Variants in LRP1B observed in about 807,000 individuals in gnomAD.
The protein encoded by LRP1B is LDL receptor related protein 1B.
LRP1B carries 217 observed loss-of-function variants against 556.6 expected under a neutral mutation model. That is an observed-to-expected ratio of 0.39 (90% confidence interval 0.35 to 0.44). LRP1B has a LOEUF of 0.44. Ranked by LOEUF, LRP1B falls within the 20% of genes least tolerant of loss-of-function variation. LRP1B has a pLI of 1.00. For missense variants in LRP1B, 5,053 were observed against 5,620.8 expected (o/e 0.90, Z 3.23); for synonymous variants, 2,047 against 1,865.8 (o/e 1.10, Z -2.50).
At chr2:141,440,500 C>T (rs1417185548) in intron 3 of LRP1B, among the ~76,000 whole-genome samples, 3 of 152,222 alleles carry the variant, frequency 2.0e-5, no homozygotes, top group African/African-American at 7.2e-5. Flanking sequence ...GGTATCCGGG[C>T]AGGAAGAACA....
At chr2:142,128,312 G>A (rs888258018) in intron 1 of LRP1B, among the ~76,000 whole-genome samples, 26 of 152,124 alleles carry the variant, frequency 1.7e-4, no homozygotes, top group Admixed American at 1.6e-3. Context: ...ACCTAAATGT[G>A]AATTCTCATT....
chr2:140,888,960 CAAA>C (rs35546727), intron 23 of LRP1B, among the ~76,000 whole-genome samples: 24 of 78,032 alleles, frequency 3.1e-4, no homozygotes, highest in African/African-American at 8.5e-4. Flanking sequence ...GAGTCTGTCT[CAAA>C]AAAAAAAAAA....
At chr2:140,909,578 T>A (rs1235787984) in intron 21 of LRP1B, among the ~76,000 whole-genome samples, 1 of 151,320 alleles carries the variant, frequency 6.6e-6, no homozygotes, top group East Asian at 2.0e-4. Flanking sequence ...CATTATAAAC[T>A]TTTGCATTAA....
At chr2:141,426,468 T>A (rs1251295936) in intron 3 of LRP1B, among the ~76,000 whole-genome samples, 3 of 152,194 alleles carry the variant, frequency 2.0e-5, no homozygotes, top group Middle Eastern at 3.2e-3. Flanking sequence ...GTATATGAAA[T>A]AATCAAGTCC....
At chr2:141,005,555 G>T (rs978896389) in intron 14 of LRP1B, 98 bp from the exon 15 acceptor site, 4 of 988,206 alleles carry the variant, frequency 4.0e-6, no homozygotes, top group African/African-American at 1.7e-5. Context: ...TATATGCTAT[G>T]TATATTATAT....
chr2:141,617,600 G>A (rs553279512), intron 2 of LRP1B, among the ~76,000 whole-genome samples: 1 of 152,208 alleles, frequency 6.6e-6, no homozygotes, highest in South Asian at 2.1e-4. Flanking sequence ...ATTGTGGTAA[G>A]AGAATATGCA....
intron 15 of LRP1B, among the ~76,000 whole-genome samples, chr2:141,005,111 T>C (rs1185420078): frequency 6.6e-6 from 1 of 152,044 alleles, no homozygotes; most frequent in African/African-American, 2.4e-5. Flanking sequence ...ATTTTTTTAC[T>C]AAATCACCCA....
At chr2:141,209,861 A>C (rs1046376010) in intron 6 of LRP1B, among the ~76,000 whole-genome samples, 1 of 152,174 alleles carries the variant, frequency 6.6e-6, no homozygotes, top group East Asian at 1.9e-4. Flanking sequence ...AAGCAAGTAC[A>C]AGGGAACTGA....
At chr2:140,404,669 T>C (rs552275868) in intron 66 of LRP1B, among the ~76,000 whole-genome samples, 1 of 152,146 alleles carries the variant, frequency 6.6e-6, no homozygotes, top group African/African-American at 2.4e-5. Flanking sequence ...TAAACAAGTA[T>C]CTGTTGTCTT....
At chr2:141,077,028 C>T (rs1261750989) in intron 7 of LRP1B, among the ~76,000 whole-genome samples, 5 of 152,098 alleles carry the variant, frequency 3.3e-5, no homozygotes, top group East Asian at 3.9e-4. Flanking sequence ...GGGCAGATCA[C>T]GAGGCCAGGA....
At position 140,716,816 on chromosome 2, in the gene LRP1B, T is replaced by C; in HGVS notation, c.5759A>G (p.Glu1920Gly). ...SFAVGIDFHA[E>G]NDTIYWTDMG... ...GTCTGTCCAGTAGATGGTATCATTT[T>C]CTATGGATAAGACACAGAAAAAAAA... Residue 1920 changes from glutamate (E) to glycine (G), a missense_variant and splice_region_variant, in exon 36 of 91, where the codon GAA becomes GGA. Transcript: ENST00000389484. The C allele has an allele frequency of 1.3e-6, 2 of 1,576,100 alleles. No homozygotes were observed. The highest frequency in any genetic ancestry group is 1.4e-5 in the African/African-American group (1 of 71,484).
At chr2:141,593,820 G>A (rs1224060481) in intron 2 of LRP1B, among the ~76,000 whole-genome samples, 1 of 152,026 alleles carries the variant, frequency 6.6e-6, no homozygotes, top group Non-Finnish European at 1.5e-5. Context: ...GAGAGCAGCA[G>A]GAGGCAGCTA....
intron 33 of LRP1B, among the ~76,000 whole-genome samples, chr2:140,773,127 A>T (rs1008733731): frequency 1.3e-5 from 2 of 152,020 alleles, no homozygotes; most frequent in Admixed American, 1.3e-4. Flanking sequence ...AAAAACAAGA[A>T]GTAAAGAGAA....
intron 66 of LRP1B, among the ~76,000 whole-genome samples, chr2:140,392,964 C>T (rs1684088500): frequency 6.7e-6 from 1 of 150,206 alleles, no homozygotes; most frequent in African/African-American, 2.5e-5. Flanking sequence ...GTATTCTGCT[C>T]TGTCACCCAG....
chr2:141,868,137 C>T (rs549067138), intron 1 of LRP1B, among the ~76,000 whole-genome samples: 1 of 152,148 alleles, frequency 6.6e-6, no homozygotes. Context: ...TTTATATATC[C>T]CTTTTTGTTC....
chr2:141,047,479 A>C (rs1273873942), intron 11 of LRP1B, among the ~76,000 whole-genome samples: 1 of 152,116 alleles, frequency 6.6e-6, no homozygotes. Flanking sequence ...CATGCTGTAA[A>C]TAATTTTAGT....
intron 2 of LRP1B, among the ~76,000 whole-genome samples, chr2:141,677,619 A>T (rs1225687731): frequency 6.6e-6 from 1 of 152,036 alleles, no homozygotes; most frequent in Non-Finnish European, 1.5e-5. Context: ...CCTCCCTAGT[A>T]GCTGGGATTA....
In LRP1B at chr2:140,356,348, A is replaced by G; in HGVS notation, c.11524T>C (p.Cys3842Arg). The change falls in exon 75 of 91, where the codon TGT (cysteine) becomes CGT (arginine). Residue 3842 changes from cysteine to arginine, a missense_variant. Physicochemically the swap from Cys to Arg is radical, Grantham distance 180. Coordinates refer to ENST00000389484, the MANE Select transcript of LRP1B (RefSeq NM_018557.3). ...GFQRNMKNRQ[C>R]EDLNECLVFG... Reference sequence around the variant, plus strand: ...TTGAAGAAAAGTACTCTACCTTCACATTGTCTGTTTTTCATGTTTCTCTGA... The same window carrying G: ...TTGAAGAAAAGTACTCTACCTTCACGTTGTCTGTTTTTCATGTTTCTCTGA... 6.2e-7 allele frequency: 1 copy of G among 1,610,724 alleles called. No individual in the cohort carries two copies. Among genetic ancestry groups the G allele is most frequent in the East Asian group, 2.2e-5 (1 of 44,654 alleles).
chr2:141,623,978 G>T, intron 2 of LRP1B, among the ~76,000 whole-genome samples: 1 of 122,028 alleles, frequency 8.2e-6, no homozygotes, highest in Non-Finnish European at 1.6e-5. Flanking sequence ...TCGCACCACC[G>T]CACTCTAGTT....
Sources: gnomAD v4.1 joint callset for allele counts (sites outside exome capture counted in the v4.1 genomes callset) on GRCh38, gnomAD v4.1.1 for gene constraint, MANE v1.5 for transcripts, NCBI Gene and HGNC (gene_info 2026-07-23, HGNC 2026-07-21) for gene names.